Variants in EIF3C observed in about 807,000 individuals in gnomAD.
EIF3C encodes the protein cell migration-inducing protein 17.
Under a neutral mutation model 11.1 loss-of-function variants are expected in EIF3C, and 2 were observed. The ratio of observed to expected loss-of-function variants is 0.18; its 90% CI spans 0.07 to 0.57. EIF3C has a LOEUF of 0.57. Among genes scored for constraint, EIF3C ranks in the 20% least tolerant of loss-of-function variants. The pLI, the probability that EIF3C is intolerant of heterozygous loss-of-function variation, is 0.92. For missense variants in EIF3C, 16 were observed against 114.6 expected, an observed-to-expected ratio of 0.14 and a Z score of 3.93; for synonymous variants, 2 against 41.5, an observed-to-expected ratio of 0.05 and a Z score of 3.66.
intron 1 of EIF3C, among the ~76,000 whole-genome samples, chr16:28,698,838 C>T (rs1596704261): frequency 7.0e-5 from 1 of 14,262 alleles, no homozygotes; most frequent in Non-Finnish European, 1.1e-4. Context: ...CCAGATGGGG[C>T]GGCGGGGCAG....
In EIF3C at chr16:28,729,956, CAAAA is replaced by C. The variant is rs747275087; in HGVS notation, c.1819-1871_1819-1868del. Among the ~76,000 whole-genome samples the C allele has an allele frequency of 2.8e-3, 423 of 150,632 alleles. 18 individuals carry two copies. Among genetic ancestry groups the C allele is most frequent in the Admixed American group, 9.0e-3 (135 of 15,070 alleles). Reference sequence around the variant, plus strand: ...CCTGGGCAACAGAGCAAGACTGTCTCAAAAAGAAAAGAAATACCCGGTTACTTCT... The same window carrying C: ...CCTGGGCAACAGAGCAAGACTGTCTCAGAAAAGAAATACCCGGTTACTTCT... On this transcript the variant is annotated intron_variant, in intron 15 of 20. Transcript: ENST00000331666.
chr16:28,697,992 G>GT (rs1464282915), intron 1 of EIF3C, among the ~76,000 whole-genome samples: 1 of 65,818 alleles, frequency 1.5e-5, no homozygotes, highest in African/African-American at 1.1e-4. Flanking sequence ...TGGCCGGGCG[G>GT]GGGGGCTGAC....
chr16:28,700,898 C>T lies in EIF3C; in HGVS notation c.-30-10759C>T, dbSNP rs1175853294. On this transcript the variant is annotated intron_variant, in intron 1 of 20. Coordinates refer to the EIF3C transcript ENST00000566501. ...GTGTTCACCATGCTCCTGCTAAAGC[C>T]GTCTTTTCTTTTTTTTTTTTGAGAC... The T allele has an allele frequency of 1.8e-5, 4 of 224,690 alleles. 1 individual carries two copies. The highest frequency in any genetic ancestry group is 2.9e-4 in the East Asian group (2 of 7,002). 13.9% of individuals were successfully genotyped at this position (224,690 alleles called of 1,614,324 possible). A position where few individuals can be genotyped will look rare whatever the true frequency, so the allele number is the denominator to read the frequency against.
chr16:28,727,907 T>G (rs2048395690), intron 15 of EIF3C, among the ~76,000 whole-genome samples: 2 of 95,584 alleles, frequency 2.1e-5, no homozygotes, highest in Non-Finnish European at 4.8e-5. Context: ...TGGAGTGCAG[T>G]GGTGCAATCT....
chr16:28,697,195 T>TTTA (rs775798901), intron 1 of EIF3C, among the ~76,000 whole-genome samples: 1 of 32,638 alleles, frequency 3.1e-5, no homozygotes, highest in Non-Finnish European at 5.1e-5. Context: ...TTTTTTTTTT[T>TTTA]AATTTATTTT....
rs749266339 is a variant in EIF3C, at chr16:28,700,505, G to C, written c.-30-11152G>C. On this transcript the variant is annotated intron_variant, in intron 1 of 20. Transcript: ENST00000566501. Reference sequence around the variant, plus strand: ...ATTGAAGCCCTTTTGGAGTTCCTCAGGGGGGAACTCGTCACCTCCACGGGT... The same window carrying C: ...ATTGAAGCCCTTTTGGAGTTCCTCACGGGGGAACTCGTCACCTCCACGGGT... The C allele has an allele frequency of 7.0e-4, 227 of 322,756 alleles. 63 individuals are homozygous for C. The highest frequency in any genetic ancestry group is 9.8e-4 in the Non-Finnish European group (178 of 182,302). The allele number at this position is 322,756 out of a possible 1,614,324, so 20.0% of individuals were successfully genotyped here.
chr16:28,689,273 T>C (rs1239887021), intron 1 of EIF3C, among the ~76,000 whole-genome samples: 1 of 50,810 alleles, frequency 2.0e-5, no homozygotes, highest in Non-Finnish European at 3.5e-5. Context: ...AAATAGTTCA[T>C]TTTTCTGTTA....
intron 15 of EIF3C, among the ~76,000 whole-genome samples, chr16:28,729,729 T>C (rs2048421304): frequency 7.4e-6 from 1 of 135,926 alleles, no homozygotes; most frequent in Admixed American, 7.4e-5. Context: ...ATTTACCTTT[T>C]TGTCTGTCCT....
At chr16:28,698,157 G>T (rs1489414584) in intron 1 of EIF3C, among the ~76,000 whole-genome samples, 1 of 93,234 alleles carries the variant, frequency 1.1e-5, no homozygotes, top group African/African-American at 4.1e-5. Context: ...CCCGGACGGG[G>T]CGGCTGGCCG....
chr16:28,697,253 G>C (rs2048243954), intron 1 of EIF3C, among the ~76,000 whole-genome samples: 1 of 18,806 alleles, frequency 5.3e-5, no homozygotes, highest in Non-Finnish European at 8.6e-5. Flanking sequence ...ATTTGGCAGG[G>C]TCATGGGACA....
chr16:28,698,272 C>T (rs2048254591), intron 1 of EIF3C, among the ~76,000 whole-genome samples: 1 of 125,656 alleles, frequency 8.0e-6, no homozygotes, highest in Non-Finnish European at 1.7e-5. Flanking sequence ...CCCCCATCTC[C>T]CTCCCGGACG....
At position 28,729,910 on chromosome 16, in the gene EIF3C, G is replaced by A. The variant is rs1195182007; in HGVS notation, c.1819-1919G>A. Reference sequence around the variant, plus strand: ...AGGAGGTCGAGGCTGCAGGAGCCACGATCACGCCACTGCACTCTAGCCTGG... The same window carrying A: ...AGGAGGTCGAGGCTGCAGGAGCCACAATCACGCCACTGCACTCTAGCCTGG... On this transcript the variant is annotated intron_variant, in intron 15 of 20. Transcript: ENST00000331666. Among the ~76,000 whole-genome samples the A allele has an allele frequency of 5.3e-5, 8 of 150,490 alleles. 1 individual carries two copies. Among genetic ancestry groups the A allele is most frequent in the African/African-American group, 1.5e-4 (6 of 40,890 alleles).
At chr16:28,696,472 A>G in intron 1 of EIF3C, among the ~76,000 whole-genome samples, 1 of 49,220 alleles carries the variant, frequency 2.0e-5, no homozygotes, top group East Asian at 4.1e-4. Context: ...TTAGATGGTG[A>G]CTCCAATTGC....
At chr16:28,697,953 G>A (rs1426214249) in intron 1 of EIF3C, among the ~76,000 whole-genome samples, 3 of 95,012 alleles carry the variant, frequency 3.2e-5, no homozygotes, top group Admixed American at 1.8e-4. Flanking sequence ...GCCGGGCAGA[G>A]GCGCCCCTCA....
upstream of EIF3C, among the ~76,000 whole-genome samples, chr16:28,707,078 CTTTTTTTTTTT>C (rs1165801182): frequency 4.7e-5 from 1 of 21,408 alleles, no homozygotes; most frequent in Admixed American, 6.3e-4. Context: ...TTTTCTTTCC[CTTTTTTTTTTT>C]TTTTTTTTTT....
intron 1 of EIF3C, among the ~76,000 whole-genome samples, chr16:28,698,569 G>T (rs542796474): frequency 2.1e-5 from 2 of 96,170 alleles, no homozygotes; most frequent in Non-Finnish European, 3.7e-5. Context: ...GGTGGCTGCC[G>T]GGCGGAGACG....
chr16:28,697,733 T>G (rs1242462408), intron 1 of EIF3C, among the ~76,000 whole-genome samples: 1 of 90,490 alleles, frequency 1.1e-5, no homozygotes. Context: ...TGGTGGCCGG[T>G]CAGAGGGGCT....
chr16:28,698,047 G>A (rs2048251303), intron 1 of EIF3C, among the ~76,000 whole-genome samples: 1 of 65,916 alleles, frequency 1.5e-5, no homozygotes, highest in Non-Finnish European at 2.7e-5. Context: ...CGGGCAGAGC[G>A]GCTCCTCACT....
chr16:28,697,541 G>A (rs2151786194), intron 1 of EIF3C, among the ~76,000 whole-genome samples: 1 of 36,496 alleles, frequency 2.7e-5, no homozygotes, highest in East Asian at 8.1e-4. Context: ...CAAGGCAGAG[G>A]AATTTTTCTT....
Sources: gnomAD v4.1 joint callset for allele counts (sites outside exome capture counted in the v4.1 genomes callset) on GRCh38, gnomAD v4.1.1 for gene constraint, MANE v1.5 for transcripts, NCBI Gene and HGNC (gene_info 2026-07-23, HGNC 2026-07-21) for gene names.